ITFG1: variants seen among roughly 807,000 people sequenced by gnomAD.
ITFG1 encodes the protein integrin alpha FG-GAP repeat containing 1.
A neutral mutation model predicts 81.8 loss-of-function variants in ITFG1; 34 were observed. That is an observed-to-expected ratio of 0.42 (90% CI 0.32 to 0.55). The LOEUF (loss-of-function observed/expected upper bound fraction) is 0.55, where lower values mean the gene tolerates loss of function less well. Among genes scored for constraint, ITFG1 ranks in the 20% least tolerant of loss-of-function variants. The pLI is 0.17. For synonymous variants in ITFG1, 285 were observed against 270.6 expected, an observed-to-expected ratio of 1.05 and a Z score of -0.52; for missense variants, 672 against 755.4, an observed-to-expected ratio of 0.89 and a Z score of 1.29.
intron 6 of ITFG1, among the ~76,000 whole-genome samples, chr16:47,410,783 A>T (rs1234641986): frequency 6.6e-6 from 1 of 152,212 alleles, no homozygotes; most frequent in Non-Finnish European, 1.5e-5. Context: ...CTACCTGGAG[A>T]GTAGGCAGAG....
chr16:47,279,458 CT>C (rs1261407866), intron 10 of ITFG1, among the ~76,000 whole-genome samples: 2 of 152,088 alleles, frequency 1.3e-5, no homozygotes, highest in African/African-American at 4.8e-5. Context: ...GTAAGCTGTA[CT>C]TGTTTGGCAG....
At chr16:47,239,685 A>T (rs1453233105) in intron 12 of ITFG1, among the ~76,000 whole-genome samples, 1 of 152,176 alleles carries the variant, frequency 6.6e-6, no homozygotes, top group African/African-American at 2.4e-5. Context: ...ACTTGCAAGC[A>T]GTTTTCAATG....
intron 5 of ITFG1, among the ~76,000 whole-genome samples, chr16:47,440,912 A>G (rs1012485579): frequency 5.3e-5 from 8 of 152,214 alleles, no homozygotes; most frequent in Non-Finnish European, 1.2e-4. Context: ...GTTTTTCGAA[A>G]AGATCAACAA....
At chr16:47,182,398 AAG>A (rs1555502778) in intron 14 of ITFG1, among the ~76,000 whole-genome samples, 1 of 152,010 alleles carries the variant, frequency 6.6e-6, no homozygotes, top group Non-Finnish European at 1.5e-5. Flanking sequence ...AAAAAAAAAA[AAG>A]AAAATATGGT....
chr16:47,359,686 T>C (rs1968085108), intron 8 of ITFG1, among the ~76,000 whole-genome samples: 1 of 152,210 alleles, frequency 6.6e-6, no homozygotes, highest in East Asian at 1.9e-4. Context: ...CTTCTTTTTG[T>C]TCCTTGAACA....
intron 7 of ITFG1, among the ~76,000 whole-genome samples, chr16:47,375,513 G>A (rs1205451254): frequency 6.6e-6 from 1 of 152,044 alleles, no homozygotes; most frequent in Non-Finnish European, 1.5e-5. Context: ...TAAAGGCAAA[G>A]GGGAAAAATT....
intron 14 of ITFG1, among the ~76,000 whole-genome samples, chr16:47,171,268 A>G (rs887979216): frequency 6.6e-6 from 1 of 152,022 alleles, no homozygotes. Flanking sequence ...TTGGCCTCTC[A>G]AAGTGTTGGG....
At chr16:47,347,703 T>C (rs1967878816) in intron 8 of ITFG1, among the ~76,000 whole-genome samples, 1 of 152,186 alleles carries the variant, frequency 6.6e-6, no homozygotes, top group African/African-American at 2.4e-5. Flanking sequence ...GTAGTGGTTC[T>C]CCCAGCACAG....
At chr16:47,416,583 C>A (rs1186085720) in intron 6 of ITFG1, among the ~76,000 whole-genome samples, 2 of 152,168 alleles carry the variant, frequency 1.3e-5, no homozygotes, top group Non-Finnish European at 2.9e-5. Context: ...TGGGAGTGGA[C>A]CCCTCATGAA....
chr16:47,155,578 T>C lies in ITFG1; in HGVS notation c.*141A>G, dbSNP rs965527243. The C allele has an allele frequency of 4.8e-6, 3 of 630,868 alleles. No individual in the cohort carries two copies. In the African/African-American group the frequency reaches 5.6e-5, roughly 12 times the overall value. 39.1% of individuals were successfully genotyped at this position (630,868 alleles called of 1,614,324 possible). Reference sequence around the variant, plus strand: ...GACCTTGTGACATATTCAAACCATATTTATTTGAATACTTTCCAATAATTA... The same window carrying C: ...GACCTTGTGACATATTCAAACCATACTTATTTGAATACTTTCCAATAATTA... On this transcript the variant is annotated 3_prime_UTR_variant, in exon 18 of 18. Coordinates refer to ENST00000320640, the MANE Select transcript of ITFG1 (RefSeq NM_030790.5).
chr16:47,161,040 G>A (rs983315270), intron 16 of ITFG1, among the ~76,000 whole-genome samples: 1 of 152,024 alleles, frequency 6.6e-6, no homozygotes, highest in Non-Finnish European at 1.5e-5. Context: ...TATTTGTCTA[G>A]CATATTTTTC....
At chr16:47,344,585 A>G (rs2035915287) in intron 8 of ITFG1, among the ~76,000 whole-genome samples, 1 of 152,244 alleles carries the variant, frequency 6.6e-6, no homozygotes, top group South Asian at 2.1e-4. Context: ...ATTAAGGGTT[A>G]CTATGTGTCA....
chr16:47,182,206 G>C (rs1029631620), intron 14 of ITFG1, among the ~76,000 whole-genome samples: 5 of 151,646 alleles, frequency 3.3e-5, no homozygotes, highest in African/African-American at 9.7e-5. Flanking sequence ...AAAAAACAGG[G>C]AAATTCAGAA....
chr16:47,220,730 C>A (rs1250884165), intron 13 of ITFG1, among the ~76,000 whole-genome samples: 1 of 152,048 alleles, frequency 6.6e-6, no homozygotes, highest in African/African-American at 2.4e-5. Context: ...AAACCATTCA[C>A]GGGTAAAAGA....
chr16:47,416,183 G>T (rs1968872723), intron 6 of ITFG1, among the ~76,000 whole-genome samples: 1 of 151,802 alleles, frequency 6.6e-6, no homozygotes, highest in African/African-American at 2.4e-5. Flanking sequence ...GATTATGAGC[G>T]ATGTCCACAA....
intron 6 of ITFG1, among the ~76,000 whole-genome samples, chr16:47,387,948 A>G: frequency 6.6e-6 from 1 of 152,142 alleles, no homozygotes; most frequent in East Asian, 1.9e-4. Flanking sequence ...AAAAAAAAAA[A>G]AGGAAATTAT....
chr16:47,320,527 G>A (rs763649710), intron 8 of ITFG1, among the ~76,000 whole-genome samples: 5 of 152,146 alleles, frequency 3.3e-5, no homozygotes, highest in Non-Finnish European at 7.3e-5. Flanking sequence ...CTGGTTAGCT[G>A]TTCCACACCA....
intron 12 of ITFG1, among the ~76,000 whole-genome samples, chr16:47,258,264 T>C (rs536845160): frequency 6.6e-6 from 1 of 152,344 alleles, no homozygotes; most frequent in South Asian, 2.1e-4. Context: ...AAATAATTCA[T>C]GACCTAAGTT....
chr16:47,171,391 T>C (rs1236189346), intron 14 of ITFG1, among the ~76,000 whole-genome samples: 1 of 152,198 alleles, frequency 6.6e-6, no homozygotes, highest in Non-Finnish European at 1.5e-5. Context: ...CAAAGTCCCA[T>C]TGTTCATTTC....
Sources: gnomAD v4.1 joint callset for allele counts (sites outside exome capture counted in the v4.1 genomes callset) on GRCh38, gnomAD v4.1.1 for gene constraint, MANE v1.5 for transcripts, NCBI Gene and HGNC (gene_info 2026-07-23, HGNC 2026-07-21) for gene names.